GALNTL6: variants seen among roughly 807,000 people sequenced by gnomAD.
GALNTL6 encodes the protein polypeptide N-acetylgalactosaminyltransferase like 6, also known as polypeptide N-acetylgalactosaminyltransferase-like 6.
In GALNTL6, 46 loss-of-function variants were observed where a neutral mutation model predicts 73.7. That is an observed-to-expected ratio of 0.62 (90% CI 0.49 to 0.80). The LOEUF (loss-of-function observed/expected upper bound fraction) is 0.80, where lower values mean the gene tolerates loss of function less well. Ranked by LOEUF, GALNTL6 falls within the 30% of genes least tolerant of loss-of-function variation. The pLI, the probability that GALNTL6 is intolerant of heterozygous loss-of-function variation, is 0.00. For synonymous variants in GALNTL6, 259 were observed against 263.7 expected (o/e 0.98, Z 0.17); for missense variants, 604 against 755.0 (o/e 0.80, Z 2.34).
chr4:172,742,329 A>G (rs1222576141), intron 5 of GALNTL6, among the ~76,000 whole-genome samples: 1 of 151,830 alleles, frequency 6.6e-6, no homozygotes, highest in Non-Finnish European at 1.5e-5. Flanking sequence ...TATCCAAAAC[A>G]TAGTACTCCC....
At chr4:172,324,336 T>G (rs1740872132) in intron 4 of GALNTL6, among the ~76,000 whole-genome samples, 1 of 152,034 alleles carries the variant, frequency 6.6e-6, no homozygotes, top group East Asian at 1.9e-4. Context: ...AAGCCAATCA[T>G]GTAAAGTATT....
At chr4:172,764,177 C>T (rs566925187) in intron 5 of GALNTL6, among the ~76,000 whole-genome samples, 1 of 152,200 alleles carries the variant, frequency 6.6e-6, no homozygotes, top group Admixed American at 6.5e-5. Context: ...AGGCTGGTCT[C>T]AAACTCCCGA....
intron 2 of GALNTL6, among the ~76,000 whole-genome samples, chr4:171,882,400 T>A (rs1014895452): frequency 5.9e-5 from 9 of 152,088 alleles, no homozygotes; most frequent in African/African-American, 1.9e-4. Flanking sequence ...AGATACAGGT[T>A]TATATGAAGG....
At chr4:172,076,217 A>G (rs1731699851) in intron 2 of GALNTL6, among the ~76,000 whole-genome samples, 2 of 152,218 alleles carry the variant, frequency 1.3e-5, no homozygotes, top group Admixed American at 1.3e-4. Flanking sequence ...TCTGCTGCAT[A>G]TTAAACATAG....
At chr4:171,925,203 C>G (rs1004341491) in intron 2 of GALNTL6, among the ~76,000 whole-genome samples, 1 of 152,044 alleles carries the variant, frequency 6.6e-6, no homozygotes, top group African/African-American at 2.4e-5. Flanking sequence ...TACTGGAGAG[C>G]CAGACAGGAT....
chr4:172,364,568 A>T (rs2111245598), intron 5 of GALNTL6, among the ~76,000 whole-genome samples: 1 of 152,344 alleles, frequency 6.6e-6, no homozygotes, highest in East Asian at 1.9e-4. Flanking sequence ...TAAGAGCATG[A>T]ACCTACTAAC....
intron 4 of GALNTL6, among the ~76,000 whole-genome samples, chr4:172,336,264 AGTTTT>A (rs1181058839): frequency 1.2e-5 from 1 of 86,428 alleles, no homozygotes; most frequent in Non-Finnish European, 2.1e-5. Flanking sequence ...TTCTTGGTAT[AGTTTT>A]GTTTTGTTTT....
intron 4 of GALNTL6, among the ~76,000 whole-genome samples, chr4:172,332,502 T>A (rs537903823): frequency 6.7e-6 from 1 of 149,144 alleles, no homozygotes; most frequent in South Asian, 2.2e-4. Context: ...TACTTTACAC[T>A]CTCTATTTCC....
chr4:172,499,312 G>A (rs1199790090), intron 5 of GALNTL6, among the ~76,000 whole-genome samples: 1 of 152,118 alleles, frequency 6.6e-6, no homozygotes, highest in Non-Finnish European at 1.5e-5. Flanking sequence ...AGACTCAAGA[G>A]AGATGATCTC....
At chr4:172,302,700 T>C (rs1739981714) in intron 3 of GALNTL6, among the ~76,000 whole-genome samples, 2 of 152,352 alleles carry the variant, frequency 1.3e-5, no homozygotes, top group Non-Finnish European at 2.9e-5. Flanking sequence ...TCTTACTTTA[T>C]TGTCAGAAAA....
intron 2 of GALNTL6, among the ~76,000 whole-genome samples, chr4:172,171,761 G>T (rs539545066): frequency 6.6e-6 from 1 of 151,600 alleles, no homozygotes; most frequent in Admixed American, 6.6e-5. Flanking sequence ...GAAGGCACAC[G>T]TTGCAGTGAG....
intron 5 of GALNTL6, among the ~76,000 whole-genome samples, chr4:172,351,678 C>A (rs1003361540): frequency 6.6e-6 from 1 of 152,072 alleles, no homozygotes; most frequent in African/African-American, 2.4e-5. Context: ...GTGTAGAGTT[C>A]TTTTCACCAA....
intron 2 of GALNTL6, among the ~76,000 whole-genome samples, chr4:171,893,604 T>A (rs1736821183): frequency 6.6e-6 from 1 of 152,208 alleles, no homozygotes. Context: ...TATGTAATAT[T>A]ATTGAATATT....
At chr4:171,891,295 C>T (rs1246395317) in intron 2 of GALNTL6, among the ~76,000 whole-genome samples, 2 of 152,196 alleles carry the variant, frequency 1.3e-5, no homozygotes, top group Non-Finnish European at 2.9e-5. Flanking sequence ...GTAACCAAGG[C>T]AGCCACCTTC....
At chr4:171,828,338 C>T (rs139231573) in intron 2 of GALNTL6, among the ~76,000 whole-genome samples, 2 of 152,102 alleles carry the variant, frequency 1.3e-5, no homozygotes, top group Non-Finnish European at 2.9e-5. Context: ...TCACAATTCT[C>T]TCATATTTCT....
chr4:172,403,076 T>C (rs374507438), intron 5 of GALNTL6, among the ~76,000 whole-genome samples: 1 of 152,084 alleles, frequency 6.6e-6, no homozygotes, highest in East Asian at 1.9e-4. Context: ...ATAGAAATTA[T>C]AAAGCTAAAG....
chr4:172,343,472 C>T (rs1578976357), intron 4 of GALNTL6, among the ~76,000 whole-genome samples: 1 of 152,018 alleles, frequency 6.6e-6, no homozygotes, highest in East Asian at 1.9e-4. Flanking sequence ...AAGTCTGGTA[C>T]TTATTTCAAG....
chr4:173,028,173 A>G (rs1242392347), intron 12 of GALNTL6, among the ~76,000 whole-genome samples: 1 of 152,238 alleles, frequency 6.6e-6, no homozygotes, highest in Non-Finnish European at 1.5e-5. Context: ...CAAAATTTAC[A>G]TGGAAAATGT....
At chr4:171,915,518 T>C (rs530710088) in intron 2 of GALNTL6, among the ~76,000 whole-genome samples, 275 of 152,276 alleles carry the variant, frequency 1.8e-3, no homozygotes, top group African/African-American at 6.4e-3. Context: ...TCTTAATTTG[T>C]AAATAATCAT....
Sources: allele counts gnomAD v4.1 joint callset (sites outside exome capture counted in the v4.1 genomes callset), GRCh38; gene constraint gnomAD v4.1.1; transcripts MANE v1.5; gene names NCBI Gene and HGNC (gene_info 2026-07-23, HGNC 2026-07-21).